The following ZMYM4 variants were observed in gnomAD, a reference collection of about 807,000 sequenced individuals.
ZMYM4 encodes the protein zinc finger MYM-type protein 4.
ZMYM4 carries 31 observed loss-of-function variants against 183.2 expected under a neutral mutation model. The observed-to-expected ratio is 0.17, with a 90% confidence interval of 0.13 to 0.23. The LOEUF (loss-of-function observed/expected upper bound fraction) is 0.23, where lower values mean the gene tolerates loss of function less well. Among genes scored for constraint, ZMYM4 ranks in the 10% least tolerant of loss-of-function variants. ZMYM4 has a pLI of 1.00. For synonymous variants in ZMYM4, 592 were observed against 631.2 expected, an observed-to-expected ratio of 0.94 and a Z score of 0.93; for missense variants, 1,273 against 1,840.3, an observed-to-expected ratio of 0.69 and a Z score of 5.64.
Position 35,359,172 on chromosome 1 carries a change from G to A in ZMYM4, c.333G>A (p.Leu111=), listed in dbSNP as rs1015633003. ...LVSSIHTDDS[L]EVERRVTQHE... is the part of the protein sequence containing the mutation. ...CTTCAATTCATACTGATGATAGCTT[G>A]GAAGTAGAGAGAAGAGTCACACAGC... The change falls in exon 3 of 30, where the codon TTG becomes TTA. Residue 111 remains leucine, a synonymous_variant. Coordinates refer to ENST00000314607, the MANE Select transcript of ZMYM4 (RefSeq NM_005095.3). 6.2e-7 allele frequency: 1 copy of A among 1,613,508 alleles called. No homozygotes were observed.
At chr1:35,327,639 A>G (rs1642562068) in intron 2 of ZMYM4, among the ~76,000 whole-genome samples, 1 of 152,194 alleles carries the variant, frequency 6.6e-6, no homozygotes, top group Non-Finnish European at 1.5e-5. Flanking sequence ...TGTTTTAGGC[A>G]ATCAAAAATA....
At position 35,390,086 on chromosome 1, in the gene ZMYM4, C is replaced by A. The variant is rs1644671433; in HGVS notation, c.2575C>A (p.Gln859Lys). ...NQQSVCDPPS[Q>K]NNAANISMVQ... ...GCAAAGTGTATGTGACCCGCCTTCA[C>A]AAAATAATGCAGGTAAAATTAACCT... Residue 859 changes from glutamine (Q) to lysine (K), a missense_variant, in exon 15 of 30, where the codon CAA becomes AAA. Gln to Lys is a moderately conservative substitution (Grantham distance 53). Coordinates refer to ENST00000314607, the MANE Select transcript of ZMYM4 (RefSeq NM_005095.3). The A allele has an allele frequency of 6.2e-7, 1 of 1,612,994 alleles. No individual in the cohort carries two copies. Among genetic ancestry groups the A allele is most frequent in the Non-Finnish European group, 8.5e-7 (1 of 1,179,510 alleles).
In ZMYM4 at chr1:35,269,013, CG is replaced by C. The variant is rs1055635488; in HGVS notation, c.-30del. 4.5e-5 allele frequency: 68 copies of C among 1,521,472 alleles called. No individual in the cohort carries two copies. Among genetic ancestry groups the C allele is most frequent in the Non-Finnish European group, 6.0e-5 (68 of 1,134,626 alleles). 94.2% of individuals were successfully genotyped at this position (1,521,472 alleles called of 1,614,324 possible). On this transcript the variant is annotated 5_prime_UTR_variant, in exon 1 of 30. Coordinates refer to ENST00000314607, the MANE Select transcript of ZMYM4 (RefSeq NM_005095.3). ...GCCGAGAGGTACCGCCGCCACCGCG[CG>C]GGGAGCCGCAGCGGTTCCGAGCGGG...
chr1:35,418,312 G>A, intron 28 of ZMYM4, 131 bp from the exon 29 acceptor site: 1 of 928,510 alleles, frequency 1.1e-6, no homozygotes, highest in South Asian at 1.8e-5. Flanking sequence ...AGTATTTGTT[G>A]AATGAGTGTG....
At chr1:35,337,493 T>A (rs1643022776) in intron 2 of ZMYM4, among the ~76,000 whole-genome samples, 2 of 152,220 alleles carry the variant, frequency 1.3e-5, no homozygotes, top group Admixed American at 6.5e-5. Context: ...GAAATTAATA[T>A]GTATGCAATT....
chr1:35,392,659 C>T lies in ZMYM4; in HGVS notation c.2741C>T (p.Thr914Ile), dbSNP rs373737420. ...AATTTATATCAAGGTGCAGTTCCAA[C>T]AGTAACAGCGAAAATCATCGGTGAT... ...SNSVLQGAVPTVTAKIIGDAS... is the reference protein window; with the variant it reads ...SNSVLQGAVPIVTAKIIGDAS... The change falls in exon 17 of 30, where the codon ACA becomes ATA. Residue 914 changes from threonine to isoleucine, a missense_variant. Physicochemically the swap from Thr to Ile is moderately conservative, Grantham distance 89. Transcript: ENST00000314607. The T allele has an allele frequency of 3.1e-6, 5 of 1,594,084 alleles. No homozygotes were observed. Among genetic ancestry groups the T allele is most frequent in the African/African-American group, 2.7e-5 (2 of 73,640 alleles).
At position 35,352,976 on chromosome 1, in the gene ZMYM4, T is replaced by A. The variant is rs182918171; in HGVS notation, c.86-5949T>A. 3.9e-5 allele frequency among the ~76,000 whole-genome samples: 6 copies of A among 152,332 alleles called. No homozygotes were observed. The East Asian group carries it at 1.2e-3, about 29-fold the overall frequency. On this transcript the variant is annotated intron_variant, in intron 2 of 29. Coordinates refer to ENST00000314607, the MANE Select transcript of ZMYM4 (RefSeq NM_005095.3). ...AATATATCCAACTGTCTTCTTGATA[T>A]TTCCATTTGAAGATTTAAGAAGGAT...
At chr1:35,286,065 A>G (rs942315292) in intron 1 of ZMYM4, among the ~76,000 whole-genome samples, 2 of 152,200 alleles carry the variant, frequency 1.3e-5, no homozygotes, top group Non-Finnish European at 1.5e-5. Context: ...GAAAAAGGAA[A>G]TAAAAAGCAT....
rs1644565628 is a variant in ZMYM4, at chr1:35,385,922, GT to G, written c.1721-147del. 7.4e-6 allele frequency: 4 copies of G among 543,732 alleles called. No individual in the cohort carries two copies. In the Admixed American group the frequency reaches 1.2e-4, roughly 16 times the overall value. The allele number at this position is 543,732 out of a possible 1,614,324, so 33.7% of individuals were successfully genotyped here. On this transcript the variant is annotated intron_variant, in intron 10 of 29. Coordinates refer to ENST00000314607, the MANE Select transcript of ZMYM4 (RefSeq NM_005095.3). ...AAGAAACATTTTCAGTATTATGTTA[GT>G]TTTTGTCTATATGTGACATGATTTA...
chr1:35,403,576 A>G (rs940535910), intron 23 of ZMYM4, among the ~76,000 whole-genome samples: 1 of 152,096 alleles, frequency 6.6e-6, no homozygotes, highest in Non-Finnish European at 1.5e-5. Flanking sequence ...GTGAGCTGCC[A>G]TGGCTGGCCC....
chr1:35,311,908 G>A (rs571329155), intron 1 of ZMYM4, among the ~76,000 whole-genome samples: 1 of 147,022 alleles, frequency 6.8e-6, no homozygotes, highest in Non-Finnish European at 1.5e-5. Flanking sequence ...CTTTTTTTTC[G>A]AGACGAGGTC....
In ZMYM4 at chr1:35,386,150, A is replaced by G. The variant is rs1460076201; in HGVS notation, c.1797A>G (p.Ile599Met). The change falls in exon 11 of 30, where the codon ATA (isoleucine) becomes ATG (methionine). Residue 599 changes from isoleucine (I) to methionine (M), a missense_variant. By Grantham distance (10) the Ile-to-Met change is conservative. Transcript: ENST00000314607. ...QYHLAMSDGS[I>M]RNFCSYSCVV... ...ACCTAGCCATGTCAGATGGAAGTAT[A>G]CGCAACTTCTGCAGCTACAGCTGTG... The G allele has an allele frequency of 6.2e-7, 1 of 1,613,858 alleles. No homozygotes were observed. The highest frequency in any genetic ancestry group is 8.5e-7 in the Non-Finnish European group (1 of 1,179,934).
intron 13 of ZMYM4, 32 bp downstream of exon 13, chr1:35,387,636 C>T (rs1216302935): frequency 6.3e-7 from 1 of 1,576,642 alleles, no homozygotes; most frequent in Non-Finnish European, 8.6e-7. Flanking sequence ...ACCTACTGAG[C>T]ATGTTGGTTG....
At chr1:35,408,908 CCT>C (rs1409923271) in intron 26 of ZMYM4, among the ~76,000 whole-genome samples, 1 of 152,152 alleles carries the variant, frequency 6.6e-6, no homozygotes, top group Non-Finnish European at 1.5e-5. Context: ...CAAAGGGAAA[CCT>C]CAAACCCAGT....
chr1:35,321,042 T>C (rs1430662145), intron 1 of ZMYM4, among the ~76,000 whole-genome samples: 1 of 152,238 alleles, frequency 6.6e-6, no homozygotes, highest in Non-Finnish European at 1.5e-5. Flanking sequence ...GTCTCCAAAG[T>C]TGGATTAAAA....
intron 1 of ZMYM4, among the ~76,000 whole-genome samples, chr1:35,270,879 A>G (rs1301380567): frequency 6.6e-6 from 1 of 152,134 alleles, no homozygotes; most frequent in African/African-American, 2.4e-5. Flanking sequence ...AATGCATTTC[A>G]TCGTAGTGTT....
intron 1 of ZMYM4, among the ~76,000 whole-genome samples, chr1:35,297,371 A>C (rs139970406): frequency 6.6e-6 from 1 of 151,558 alleles, no homozygotes; most frequent in Non-Finnish European, 1.5e-5. Flanking sequence ...CTTACACCTG[A>C]GGGTGAGATG....
At chr1:35,355,251 G>C (rs750803515) in intron 2 of ZMYM4, among the ~76,000 whole-genome samples, 23 of 116,688 alleles carry the variant, frequency 2.0e-4, no homozygotes, top group Non-Finnish European at 3.4e-4. Context: ...GTTTCACTGT[G>C]TTAGCCAGGA....
intron 1 of ZMYM4, among the ~76,000 whole-genome samples, chr1:35,315,022 C>CA (rs1413813376): frequency 2.1e-5 from 3 of 145,034 alleles, no homozygotes; most frequent in Admixed American, 7.0e-5. Flanking sequence ...GACTCCATCT[C>CA]AAAAAAACAA....
Sources: gnomAD v4.1 joint callset for allele counts (sites outside exome capture counted in the v4.1 genomes callset) on GRCh38, gnomAD v4.1.1 for gene constraint, MANE v1.5 for transcripts, NCBI Gene and HGNC (gene_info 2026-07-23, HGNC 2026-07-21) for gene names.